Variants in TNFRSF11A observed in about 807,000 individuals in gnomAD.
TNFRSF11A encodes TNF receptor superfamily member 11a, also known as tumor necrosis factor receptor superfamily member 11A.
TNFRSF11A carries 32 observed loss-of-function variants against 55.7 expected under a neutral mutation model. The ratio of observed to expected loss-of-function variants is 0.57; its 90% CI spans 0.43 to 0.77. The LOEUF (loss-of-function observed/expected upper bound fraction) is 0.77, where lower values mean the gene tolerates loss of function less well. Ranked by LOEUF, TNFRSF11A falls within the 30% of genes least tolerant of loss-of-function variation. TNFRSF11A has a pLI of 0.00. For synonymous variants in TNFRSF11A, 311 were observed against 331.0 expected (o/e 0.94, Z 0.65); for missense variants, 753 against 809.8 (o/e 0.93, Z 0.85).
chr18:62,384,863 G>A lies in TNFRSF11A; in HGVS notation c.1680G>A (p.Ala560=). 2.5e-6 allele frequency: 4 copies of A among 1,602,426 alleles called. No homozygotes were observed. Among genetic ancestry groups the A allele is most frequent in the Non-Finnish European group, 3.4e-6 (4 of 1,174,868 alleles). The change falls in exon 10 of 10, where the codon GCG becomes GCA. Residue 560 remains alanine (A), a synonymous_variant. Transcript: ENST00000586569. Reference sequence around the variant, plus strand: ...GCCAGACCTCGCAGGAGGGCGCGGCGGCGGCTGCGGAGCCCATGGGCCGCC... The same window carrying A: ...GCCAGACCTCGCAGGAGGGCGCGGCAGCGGCTGCGGAGCCCATGGGCCGCC... ...YVSQTSQEGA[A]AAAEPMGRPV...
chr18:62,339,054 C>T (rs1333227579), intron 1 of TNFRSF11A, among the ~76,000 whole-genome samples: 2 of 152,170 alleles, frequency 1.3e-5, no homozygotes, highest in African/African-American at 4.8e-5. Flanking sequence ...CTAGCCCAGG[C>T]TCTGTTCTTG....
At chr18:62,326,594 A>G (rs2046079485) in intron 1 of TNFRSF11A, among the ~76,000 whole-genome samples, 1 of 152,132 alleles carries the variant, frequency 6.6e-6, no homozygotes, top group Non-Finnish European at 1.5e-5. Context: ...CCTAAGAAAA[A>G]CCTGCCTGAC....
chr18:62,340,474 CGTGA>C (rs1363204799), intron 1 of TNFRSF11A, among the ~76,000 whole-genome samples: 3 of 150,796 alleles, frequency 2.0e-5, no homozygotes, highest in Non-Finnish European at 4.4e-5. Context: ...GGGTTACAGG[CGTGA>C]GTCACTGTGC....
chr18:62,354,288 C>A, intron 3 of TNFRSF11A, 103 bp from the exon 4 acceptor site: 3 of 1,383,760 alleles, frequency 2.2e-6, no homozygotes, highest in South Asian at 3.0e-5. Context: ...GCCTGCCAGG[C>A]GGGCTGCTGC....
At chr18:62,347,639 G>A (rs1177402935) in intron 1 of TNFRSF11A, among the ~76,000 whole-genome samples, 3 of 152,122 alleles carry the variant, frequency 2.0e-5, no homozygotes, top group Non-Finnish European at 4.4e-5. Flanking sequence ...CAGGCCGGGC[G>A]TGGTGGCTCA....
At chr18:62,333,449 C>T (rs2046185178) in intron 1 of TNFRSF11A, among the ~76,000 whole-genome samples, 1 of 152,346 alleles carries the variant, frequency 6.6e-6, no homozygotes, top group Admixed American at 6.5e-5. Context: ...TTGCACTCAG[C>T]TCTGACAATA....
intron 1 of TNFRSF11A, among the ~76,000 whole-genome samples, chr18:62,327,291 T>G (rs188519600): frequency 6.6e-6 from 1 of 152,266 alleles, no homozygotes; most frequent in Non-Finnish European, 1.5e-5. Context: ...GGATCTTTCT[T>G]TGGGCAGAGT....
At chr18:62,333,133 A>G (rs1445763042) in intron 1 of TNFRSF11A, among the ~76,000 whole-genome samples, 2 of 152,142 alleles carry the variant, frequency 1.3e-5, no homozygotes, top group African/African-American at 4.8e-5. Context: ...GATGACAGGT[A>G]CCGGGGAAGG....
At chr18:62,379,481 A>G (rs1391408913) in intron 9 of TNFRSF11A, among the ~76,000 whole-genome samples, 1 of 152,248 alleles carries the variant, frequency 6.6e-6, no homozygotes, top group Admixed American at 6.5e-5. Context: ...TTTGATAATC[A>G]TGATTATTTC....
chr18:62,351,303 T>G (rs2046468322), intron 3 of TNFRSF11A, among the ~76,000 whole-genome samples: 1 of 152,230 alleles, frequency 6.6e-6, no homozygotes, highest in African/African-American at 2.4e-5. Flanking sequence ...ATGCCCGGCC[T>G]GACCCCTTCT....
At chr18:62,369,630 G>T in intron 9 of TNFRSF11A, 146 bp downstream of exon 9, 1 of 1,050,148 alleles carries the variant, frequency 9.5e-7, no homozygotes, top group Non-Finnish European at 1.4e-6. Flanking sequence ...ATTTTTACAG[G>T]ATGGCTTTGG....
intron 3 of TNFRSF11A, among the ~76,000 whole-genome samples, chr18:62,353,262 ATGT>A (rs2046500400): frequency 6.6e-6 from 1 of 152,246 alleles, no homozygotes. Flanking sequence ...TATTTGATAC[ATGT>A]TGTTGATTCA....
At chr18:62,382,107 C>CTTTTTTTTTTTTTTTT (rs574488222) in intron 9 of TNFRSF11A, among the ~76,000 whole-genome samples, 1 of 89,414 alleles carries the variant, frequency 1.1e-5, no homozygotes, top group African/African-American at 4.2e-5. Context: ...TTCCTGAGTC[C>CTTTTTTTTTTTTTTTT]TTTTTTTTTT....
At chr18:62,346,303 GT>G in intron 1 of TNFRSF11A, among the ~76,000 whole-genome samples, 1 of 152,302 alleles carries the variant, frequency 6.6e-6, no homozygotes, top group South Asian at 2.1e-4. Flanking sequence ...TTTTGACCCA[GT>G]TTGCATGGCC....
In TNFRSF11A at chr18:62,325,989, C is replaced by T. The variant is rs1600337369; in HGVS notation, c.75+562C>T. On this transcript the variant is annotated intron_variant, in intron 1 of 9. Transcript: ENST00000586569. This position sits in a 1 kb window ranked among gnomAD's most constrained non-coding sequence, Gnocchi z 4.7. ...ACGGCGGGGAGAGACTGCGCGCGCGCCCCGGGGATGCTGGACTTGACCCTC... is the reference window on the plus strand; with the variant it reads ...ACGGCGGGGAGAGACTGCGCGCGCGTCCCGGGGATGCTGGACTTGACCCTC... Among the ~76,000 whole-genome samples, 2 of 152,346 alleles carry T rather than the reference C, an allele frequency of 1.3e-5. No homozygotes were observed. Among genetic ancestry groups the T allele is most frequent in the South Asian group, 4.1e-4 (2 of 4,828 alleles).
intron 9 of TNFRSF11A, among the ~76,000 whole-genome samples, chr18:62,377,532 A>G (rs1241392062): frequency 6.6e-6 from 1 of 151,876 alleles, no homozygotes; most frequent in Non-Finnish European, 1.5e-5. Flanking sequence ...CCTGCCACCC[A>G]CCCCCATGCT....
chr18:62,364,253 T>C (rs1909908941), intron 7 of TNFRSF11A, among the ~76,000 whole-genome samples: 1 of 151,878 alleles, frequency 6.6e-6, no homozygotes. Flanking sequence ...AGCTGCATGA[T>C]GAGGGGAGCA....
chr18:62,337,465 A>G (rs150668931), intron 1 of TNFRSF11A, among the ~76,000 whole-genome samples: 155 of 152,332 alleles, frequency 1.0e-3, no homozygotes, highest in African/African-American at 2.8e-3. Flanking sequence ...GTAATCAGTT[A>G]TGTGACCTTA....
In TNFRSF11A at chr18:62,354,409, T is replaced by C. The variant is rs935748330; in HGVS notation, c.302T>C (p.Val101Ala). The stretch of plus-strand genomic sequence containing the variant: ...CCCGCAGGCAAGGCCCTGGTGGCCG[T>C]GGTCGCCGGCAACAGCACGACCCCC... The part of the protein sequence containing the change: ...VCDTGKALVA[V>A]VAGNSTTPRR... Residue 101 changes from valine (V) to alanine (A), a missense_variant, in exon 4 of 10, where the codon GTG (valine) becomes GCG (alanine). Physicochemically the swap from Val to Ala is moderately conservative, Grantham distance 64 (BLOSUM62 0). This residue lies in a region of TNFRSF11A where 156 missense variants were observed against 155.1 expected (regional missense o/e 1.01). Transcript: ENST00000586569. 1.3e-6 allele frequency: 2 copies of C among 1,585,508 alleles called. No individual in the cohort carries two copies. The highest frequency in any genetic ancestry group is 1.3e-5 in the African/African-American group (1 of 74,630).
Sources: allele counts gnomAD v4.1 joint callset (sites outside exome capture counted in the v4.1 genomes callset), GRCh38; gene constraint gnomAD v4.1.1; regional missense constraint gnomAD v4.1.1; non-coding constraint Gnocchi (gnomAD v3.1); transcripts MANE v1.5; gene names NCBI Gene and HGNC (gene_info 2026-07-23, HGNC 2026-07-21).